The following GSK3A variants were observed in gnomAD, a reference collection of about 807,000 sequenced individuals.
The protein encoded by GSK3A is glycogen synthase kinase 3 alpha, also known as glycogen synthase kinase-3 alpha.
In GSK3A, 14 loss-of-function variants were observed where a neutral mutation model predicts 56.6. The observed-to-expected ratio is 0.25, with a 90% confidence interval of 0.16 to 0.39. GSK3A has a LOEUF of 0.39. Among genes scored for constraint, GSK3A ranks in the 10% least tolerant of loss-of-function variants. The pLI, the probability that GSK3A is intolerant of heterozygous loss-of-function variation, is 1.00. For missense variants in GSK3A, 450 were observed against 656.0 expected (o/e 0.69, Z 3.43); for synonymous variants, 301 against 285.0 (o/e 1.06, Z -0.56).
Position 42,233,267 on chromosome 19 carries a change from GCC to G in GSK3A, c.1002+17_1002+18del, listed in dbSNP as rs2036236332. ...ATCCCTCAGCCCCACCCCCTGCCCA[GCC>G]CAGCCCCGCCCCTCACCTTGATGAT... On this transcript the variant is annotated intron_variant, in intron 7 of 10. Coordinates refer to ENST00000222330, the MANE Select transcript of GSK3A (RefSeq NM_019884.3). 1.9e-6 allele frequency: 1 copy of G among 530,206 alleles called. No individual in the cohort carries two copies. The highest frequency in any genetic ancestry group is 2.1e-5 in the African/African-American group (1 of 46,628). 32.8% of individuals were successfully genotyped at this position (530,206 alleles called of 1,614,324 possible).
In GSK3A at chr19:42,242,544, C is replaced by T; in HGVS notation, c.-79G>A. 2.1e-6 allele frequency: 2 copies of T among 960,676 alleles called. No individual in the cohort carries two copies. The highest frequency in any genetic ancestry group is 1.0e-4 in the East Asian group (1 of 9,802). The allele number at this position is 960,676 out of a possible 1,614,324, so 59.5% of individuals were successfully genotyped here. A position where few individuals can be genotyped will look rare whatever the true frequency, so the allele number is the denominator to read the frequency against. On this transcript the variant is annotated 5_prime_UTR_variant, in exon 1 of 11. Coordinates refer to ENST00000222330, the MANE Select transcript of GSK3A (RefSeq NM_019884.3). The stretch of plus-strand genomic sequence containing the variant: ...CCGCCGCCGCTGCCGCCGCCTCCCC[C>T]GGGCCCTGGCCTCTTCCAGGCCGCG...
rs969766372 is a variant in GSK3A at position 42,242,370 on chromosome 19, G to GCCT, written c.93_95dup (p.Gly35dup). 1.4e-6 allele frequency: 2 copies of GCCT among 1,393,248 alleles called. No homozygotes were observed. The highest frequency in any genetic ancestry group is 1.9e-6 in the Non-Finnish European group (2 of 1,076,104). The allele number at this position is 1,393,248 out of a possible 1,614,324, so 86.3% of individuals were successfully genotyped here. A position where few individuals can be genotyped will look rare whatever the true frequency, so the allele number is the denominator to read the frequency against. On this transcript the variant is annotated inframe_insertion, in exon 1 of 11. Transcript: ENST00000222330. ...AGGCCGAGCCTCCGGGGCCGCCGCC[G>GCCT]CCTCCTCCGCCTCCGCCGCCGGGCT...
At chr19:42,242,077 AC>A in intron 1 of GSK3A, 105 bp downstream of exon 1, 1 of 1,019,490 alleles carries the variant, frequency 9.8e-7, no homozygotes, top group African/African-American at 1.7e-5. Context: ...ATGGGGAGGC[AC>A]AGTGACCTCG....
intron 2 of GSK3A, among the ~76,000 whole-genome samples, chr19:42,239,656 C>T (rs1449974421): frequency 6.6e-6 from 1 of 152,200 alleles, no homozygotes; most frequent in Non-Finnish European, 1.5e-5. Context: ...TGTTTCCCTG[C>T]TTTTAAACTT....
At chr19:42,235,531 T>C (rs851610) in intron 4 of GSK3A, among the ~76,000 whole-genome samples, 190 of 152,302 alleles carry the variant, frequency 1.2e-3, no homozygotes, top group South Asian at 4.4e-3. Flanking sequence ...GGTCCTGACA[T>C]GGCTGCTTCC....
intron 1 of GSK3A, chr19:42,241,965 C>CT (rs2036294854): frequency 2.5e-6 from 1 of 406,124 alleles, no homozygotes; most frequent in Admixed American, 4.5e-5. Context: ...TAACCCGTTT[C>CT]TTTAAGTGTT....
chr19:42,240,782 C>T (rs1319299926), intron 1 of GSK3A: 1 of 153,272 alleles, frequency 6.5e-6, no homozygotes, highest in Non-Finnish European at 1.5e-5. Flanking sequence ...GGTCCAGAGA[C>T]CCAGACCCCT....
In GSK3A at chr19:42,232,142, G is replaced by A; in HGVS notation, c.1293C>T (p.Ser431=). The part of the protein sequence containing the change: ...PLFNFSAGEL[S]IQPSLNAILI... ...GAATGGCGTTGAGAGACGGTTGGAT[G>A]GAGAGTTCTAGAAACAGGAATTGAC... Residue 431 remains serine (S), a synonymous_variant, in exon 10 of 11, where the codon TCC becomes TCT. Transcript: ENST00000222330. 18 of 1,596,206 alleles carry A rather than the reference G, an allele frequency of 1.1e-5. No homozygotes were observed. The highest frequency in any genetic ancestry group is 1.5e-5 in the Non-Finnish European group (18 of 1,164,598).
At chr19:42,232,472 C>T (rs373357021) in intron 9 of GSK3A, 24 bp downstream of exon 9, 138 of 1,611,972 alleles carry the variant, frequency 8.6e-5, no homozygotes, top group African/African-American at 1.5e-4. Context: ...GCCCCACTCC[C>T]CAGATCCCAG....
intron 9 of GSK3A, among the ~76,000 whole-genome samples, 154 bp downstream of exon 9, chr19:42,232,342 T>C (rs1409370714): frequency 6.6e-6 from 1 of 152,006 alleles, no homozygotes; most frequent in East Asian, 1.9e-4. Context: ...CAGGTTCGAT[T>C]CCCCCTGAAT....
intron 4 of GSK3A, among the ~76,000 whole-genome samples, chr19:42,235,767 C>T (rs551622248): frequency 6.6e-6 from 1 of 152,176 alleles, no homozygotes; most frequent in Non-Finnish European, 1.5e-5. Flanking sequence ...ACTGAGAGCT[C>T]TTCAAGGCCA....
Position 42,230,765 on chromosome 19 carries a change from T to G in GSK3A, c.*29A>C. 2 of 1,508,372 alleles carry G rather than the reference T, an allele frequency of 1.3e-6. No homozygotes were observed. The highest frequency in any genetic ancestry group is 1.8e-6 in the Non-Finnish European group (2 of 1,106,938). 93.4% of individuals were successfully genotyped at this position (1,508,372 alleles called of 1,614,324 possible). A position where few individuals can be genotyped will look rare whatever the true frequency, so the allele number is the denominator to read the frequency against. On this transcript the variant is annotated 3_prime_UTR_variant, in exon 11 of 11. Coordinates refer to ENST00000222330, the MANE Select transcript of GSK3A (RefSeq NM_019884.3). ...CCCAGCCCCTCTTGGGGCTCCCAGA[T>G]GGAAGTGGAAGGGTGCTTGGTGGGG...
chr19:42,235,376 G>A (rs1423784641), intron 4 of GSK3A, among the ~76,000 whole-genome samples: 6 of 152,028 alleles, frequency 3.9e-5, no homozygotes, highest in Non-Finnish European at 7.4e-5. Flanking sequence ...TCCTTAATCC[G>A]ACAATCAAAA....
chr19:42,233,124 G>A lies in GSK3A; in HGVS notation c.1084C>T (p.His362Tyr). The change falls in exon 8 of 11, where the codon CAC (histidine) becomes TAC (tyrosine). Residue 362 changes from histidine (H) to tyrosine (Y), a missense_variant. By Grantham distance (83) the His-to-Tyr change is moderately conservative (BLOSUM62 2). Coordinates refer to ENST00000222330, the MANE Select transcript of GSK3A (RefSeq NM_019884.3). Reference protein sequence around the residue: ...TEFKFPQIKAHPWTKVFKSRT... With the variant: ...TEFKFPQIKAYPWTKVFKSRT... The stretch of plus-strand genomic sequence containing the variant: ...CCCTGCCCCACCTTTGTCCAGGGGT[G>A]AGCTTTAATCTGAGGGAACTTGAAC... 2 of 1,597,708 alleles carry A rather than the reference G, an allele frequency of 1.3e-6. No individual in the cohort carries two copies. The highest frequency in any genetic ancestry group is 1.7e-6 in the Non-Finnish European group (2 of 1,170,856).
In GSK3A at chr19:42,230,851, C is replaced by T. The variant is rs372575967; in HGVS notation, c.1395G>A (p.Pro465=). Residue 465 remains proline, a synonymous_variant, in exon 11 of 11, where the codon CCG becomes CCA. Coordinates refer to ENST00000222330, the MANE Select transcript of GSK3A (RefSeq NM_019884.3). ...TPSSQALTET[P]TSSDWQSTDA... is the part of the protein sequence containing the mutation. ...CGGTCGACTGCCAGTCTGAGCTGGT[C>T]GGAGTCTCAGTTAAAGCTGGAGGGA... 9.2e-4 allele frequency: 1,434 copies of T among 1,561,028 alleles called. 29 individuals are homozygous for T. In the South Asian group the frequency reaches 0.016, roughly 17 times the overall value.
chr19:42,236,911 C>T lies in GSK3A; in HGVS notation c.502G>A (p.Asp168Asn). 1 of 1,612,922 alleles carries T rather than the reference C, an allele frequency of 6.2e-7. No individual in the cohort carries two copies. Among genetic ancestry groups the T allele is most frequent in the Non-Finnish European group, 8.5e-7 (1 of 1,179,008 alleles). ...CTCAGCCTCACAATATTGCAGTGGT[C>T]CAGCTTACGCATGATCTGCAGCTCT... Reference protein sequence around the residue: ...NRELQIMRKLDHCNIVRLRYF... With the variant: ...NRELQIMRKLNHCNIVRLRYF... Residue 168 changes from aspartate (D) to asparagine (N), a missense_variant, in exon 3 of 11, where the codon GAC (aspartate) becomes AAC (asparagine). Asp to Asn is a conservative substitution (Grantham distance 23). Transcript: ENST00000222330.
intron 2 of GSK3A, among the ~76,000 whole-genome samples, chr19:42,239,685 G>T (rs1290390368): frequency 1.3e-5 from 2 of 152,128 alleles, no homozygotes; most frequent in African/African-American, 4.8e-5. Context: ...CTTAGAATGG[G>T]TATAACCACA....
In GSK3A at chr19:42,234,335, C is replaced by T; in HGVS notation, c.904+18G>A. 2 of 1,592,226 alleles carry T rather than the reference C, an allele frequency of 1.3e-6. No individual in the cohort carries two copies. Among genetic ancestry groups the T allele is most frequent in the South Asian group, 1.1e-5 (1 of 90,652 alleles). On this transcript the variant is annotated intron_variant, in intron 6 of 10. Transcript: ENST00000222330. The surrounding 1 kb of genome is among the most constrained non-coding windows in gnomAD (Gnocchi z 5.7). ...TCCCAGATTGCCACTCCCCCCGCCACCCTCCCATAACTCTGACCGATGGAT... is the reference window on the plus strand; with the variant it reads ...TCCCAGATTGCCACTCCCCCCGCCATCCTCCCATAACTCTGACCGATGGAT...
chr19:42,233,521 T>C, intron 6 of GSK3A, 138 bp from the exon 7 acceptor site: 1 of 637,114 alleles, frequency 1.6e-6, no homozygotes, highest in Admixed American at 2.8e-5. Flanking sequence ...CAAGGTCACA[T>C]GCAGCTTAGA....
Sources: gnomAD v4.1 joint callset for allele counts (sites outside exome capture counted in the v4.1 genomes callset) on GRCh38, gnomAD v4.1.1 for gene constraint, Gnocchi (gnomAD v3.1) non-coding constraint, MANE v1.5 for transcripts, NCBI Gene and HGNC (gene_info 2026-07-23, HGNC 2026-07-21) for gene names.